Variants in ATP2B2 observed in about 807,000 individuals in gnomAD.
The protein encoded by ATP2B2 is plasma membrane calcium-transporting ATPase 2.
In ATP2B2, 15 loss-of-function variants were observed where a neutral mutation model predicts 120.0. The ratio of observed to expected loss-of-function variants is 0.12; its 90% CI spans 0.08 to 0.19. The LOEUF (loss-of-function observed/expected upper bound fraction) is 0.19, where lower values mean the gene tolerates loss of function less well. ATP2B2 is among the 10% of genes least tolerant of loss of function. The probability of loss-of-function intolerance (pLI) is 1.00; values close to 1 mark genes in which losing one functional copy is unlikely to be tolerated. For synonymous variants in ATP2B2, 694 were observed against 700.3 expected (o/e 0.99, Z 0.14); for missense variants, 1,045 against 1,719.8 (o/e 0.61, Z 6.94).
In ATP2B2 at chr3:10,358,787, G is replaced by A. The variant is rs539198139; in HGVS notation, c.2040C>T (p.Pro680=). ...TGTCCCAGTCCGGCTCCGGGCTGCT[G>A]GGGAAGTCGCGGTAGGCCACGCAGA... ...RTICVAYRDF[P]SSPEPDWDNE... The change falls in exon 14 of 23, where the codon CCC becomes CCT. Residue 680 remains proline (P), a synonymous_variant. Coordinates refer to ENST00000360273, the MANE Select transcript of ATP2B2 (RefSeq NM_001001331.4). The A allele has an allele frequency of 5.5e-5, 88 of 1,614,218 alleles. 1 individual carries two copies. The South Asian group carries it at 8.6e-4, about 16-fold the overall frequency.
chr3:10,456,493 C>T (rs2064265529), intron 1 of ATP2B2, among the ~76,000 whole-genome samples: 1 of 152,178 alleles, frequency 6.6e-6, no homozygotes, highest in Non-Finnish European at 1.5e-5. Context: ...GACAACCCTA[C>T]AGCCTACCTC....
intron 2 of ATP2B2, among the ~76,000 whole-genome samples, chr3:10,434,587 G>T (rs2063418365): frequency 6.6e-6 from 1 of 152,168 alleles, no homozygotes; most frequent in South Asian, 2.1e-4. Flanking sequence ...CCCTTTTTCA[G>T]ATGAAGAAAC....
intron 10 of ATP2B2, among the ~76,000 whole-genome samples, chr3:10,376,520 C>T (rs533945426): frequency 6.6e-6 from 1 of 152,292 alleles, no homozygotes; most frequent in Non-Finnish European, 1.5e-5. Flanking sequence ...GGTAGGAACG[C>T]AGCTGGGGAC....
rs201471815 is a variant in ATP2B2 at position 10,410,811 on chromosome 3, C to A, written c.204G>T (p.Leu68Phe). The A allele has an allele frequency of 1.9e-6, 3 of 1,613,676 alleles. No homozygotes were observed. The highest frequency in any genetic ancestry group is 2.2e-5 in the East Asian group (1 of 44,872). ...RRLKTSPVEG[L>F]PGTAPDLEKR... Reference sequence around the variant, plus strand: ...TTTCCAGGTCTGGAGCGGTGCCCGGCAAACCTGTGGACAGAGAACAGAGAG... The same window carrying A: ...TTTCCAGGTCTGGAGCGGTGCCCGGAAAACCTGTGGACAGAGAACAGAGAG... The change falls in exon 3 of 23, where the codon TTG becomes TTT. Residue 68 changes from leucine (L) to phenylalanine (F), a missense_variant. Around this residue, in one of 11 missense-constraint regions of ATP2B2, gnomAD observed 139 missense variants for 134.2 expected, o/e 1.04. Coordinates refer to ENST00000360273, the MANE Select transcript of ATP2B2 (RefSeq NM_001001331.4).
chr3:10,490,403 T>A (rs1357786970), intron 1 of ATP2B2, among the ~76,000 whole-genome samples: 1 of 150,356 alleles, frequency 6.7e-6, no homozygotes, highest in Non-Finnish European at 1.5e-5. Context: ...CGGCATTCTT[T>A]TTTTTTTTTT....
Position 10,473,744 on chromosome 3 carries a change from G to A in ATP2B2, c.-319-23882C>T, listed in dbSNP as rs1048071155. Among the ~76,000 whole-genome samples, 14 of 152,334 alleles carry A rather than the reference G, an allele frequency of 9.2e-5. No individual in the cohort carries two copies. The East Asian group carries it at 2.3e-3, about 25-fold the overall frequency. On this transcript the variant is annotated intron_variant, in intron 1 of 22. Transcript: ENST00000360273. ...GCAGTATGTTCCAGGCAGAGTGAAC[G>A]GCATAGGCAAAGACCCTGGAGGTGG...
At chr3:10,552,198 T>C (rs1469782860) in intron 2 of ATP2B2, among the ~76,000 whole-genome samples, 2 of 152,132 alleles carry the variant, frequency 1.3e-5, no homozygotes, top group Non-Finnish European at 2.9e-5. Context: ...GCGAGGGGCG[T>C]GGGCGGGAAA....
chr3:10,570,964 C>T (rs557078844), intron 2 of ATP2B2, among the ~76,000 whole-genome samples: 1 of 152,324 alleles, frequency 6.6e-6, no homozygotes, highest in South Asian at 2.1e-4. Context: ...ACAAGGAAAG[C>T]TAGGTTTAAA....
intron 1 of ATP2B2, among the ~76,000 whole-genome samples, chr3:10,465,057 G>A (rs2064678194): frequency 6.6e-6 from 1 of 152,198 alleles, no homozygotes; most frequent in Non-Finnish European, 1.5e-5. Context: ...CTGCTCTGGG[G>A]AGGCCTAAGG....
At position 10,528,830 on chromosome 3, in the gene ATP2B2, A is replaced by G. The variant is rs574675337; in HGVS notation, c.-320+5209T>C. Among the ~76,000 whole-genome samples the G allele has an allele frequency of 2.0e-5, 3 of 152,346 alleles. No homozygotes were observed. In the South Asian group the frequency reaches 6.2e-4, roughly 32 times the overall value. ...ACGGTTTAAGCAGGTGCGTTGGCTC[A>G]TGCCCGTGATCCCGGCTACTTGCTT... On this transcript the variant is annotated intron_variant, in intron 3 of 21. Coordinates refer to the ATP2B2 transcript ENST00000646379.
At chr3:10,479,642 C>T (rs771341327) in intron 1 of ATP2B2, among the ~76,000 whole-genome samples, 1 of 152,244 alleles carries the variant, frequency 6.6e-6, no homozygotes, top group South Asian at 2.1e-4. Context: ...TATATATATA[C>T]TTACTGTCTG....
intron 2 of ATP2B2, among the ~76,000 whole-genome samples, chr3:10,600,080 A>G (rs925041210): frequency 1.3e-5 from 2 of 151,678 alleles, no homozygotes; most frequent in Non-Finnish European, 1.5e-5. Flanking sequence ...TGGTAGGAGC[A>G]CAGTATTGGA....
At chr3:10,537,300 T>C (rs532939111) in intron 2 of ATP2B2, among the ~76,000 whole-genome samples, 46 of 152,312 alleles carry the variant, frequency 3.0e-4, no homozygotes, top group Non-Finnish European at 5.9e-5. Context: ...AACAGACATC[T>C]TTGCTATGTT....
chr3:10,707,778 G>C (rs1329364418), intron 1 of ATP2B2: 1 of 151,912 alleles, frequency 6.6e-6, no homozygotes. Context: ...ACACGCTCCG[G>C]CTCACGCTCC....
chr3:10,353,055 C>G lies in ATP2B2; in HGVS notation c.2137-2478G>C, dbSNP rs138176760. Among the ~76,000 whole-genome samples the G allele has an allele frequency of 1.5e-3, 233 of 152,324 alleles. 1 individual carries two copies. Among genetic ancestry groups the G allele is most frequent in the African/African-American group, 5.3e-3 (219 of 41,552 alleles). On this transcript the variant is annotated intron_variant, in intron 14 of 22. Transcript: ENST00000360273. ...ACAGGGTGCTCCCTCCCTCTAATGC[C>G]CACTGCTCCACTGTGGAACAAGTCT...
At chr3:10,360,932 C>T (rs192255483) in intron 12 of ATP2B2, among the ~76,000 whole-genome samples, 4 of 152,288 alleles carry the variant, frequency 2.6e-5, no homozygotes, top group African/African-American at 9.6e-5. Flanking sequence ...CCCCGACTCC[C>T]TGGCCATGGC....
intron 1 of ATP2B2, among the ~76,000 whole-genome samples, chr3:10,657,325 C>A (rs2070659178): frequency 6.6e-6 from 1 of 152,250 alleles, no homozygotes; most frequent in Non-Finnish European, 1.5e-5. Context: ...AAAATTCCCA[C>A]TTGAGCTTCC....
intron 16 of ATP2B2, among the ~76,000 whole-genome samples, chr3:10,348,425 T>C (rs12630886): frequency 0.023 from 3,535 of 152,328 alleles, 67 homozygotes; most frequent in South Asian, 0.066. Flanking sequence ...AACCCTCCCA[T>C]GTTCCTGTGC....
At chr3:10,658,909 T>C (rs1194281540) in intron 1 of ATP2B2, among the ~76,000 whole-genome samples, 3 of 151,966 alleles carry the variant, frequency 2.0e-5, no homozygotes, top group Admixed American at 2.0e-4. Flanking sequence ...GCAGAAACTC[T>C]ACAAGCCAGA....
Sources: allele counts gnomAD v4.1 joint callset (sites outside exome capture counted in the v4.1 genomes callset), GRCh38; gene constraint gnomAD v4.1.1; regional missense constraint gnomAD v4.1.1; transcripts MANE v1.5; gene names NCBI Gene and HGNC (gene_info 2026-07-23, HGNC 2026-07-21).